TPM3: variants seen among roughly 807,000 people sequenced by gnomAD.
The protein encoded by TPM3 is tropomyosin 3, also known as tropomyosin alpha-3 chain.
A neutral mutation model predicts 43.1 loss-of-function variants in TPM3; 16 were observed. The ratio of observed to expected loss-of-function variants is 0.37; its 90% CI spans 0.25 to 0.56. The LOEUF (loss-of-function observed/expected upper bound fraction) is 0.56, where lower values mean the gene tolerates loss of function less well. TPM3 is among the 20% of genes least tolerant of loss of function. TPM3 has a pLI of 0.77. For missense variants in TPM3, 176 were observed against 337.2 expected (o/e 0.52, Z 3.74); for synonymous variants, 101 against 116.9 (o/e 0.86, Z 0.88).
chr1:154,183,153 C>T (rs1383625539), intron 2 of TPM3: 4 of 1,597,460 alleles, frequency 2.5e-6, no homozygotes, highest in African/African-American at 2.7e-5. Context: ...CGCTCCGGTT[C>T]CTGCCTCCTC....
chr1:154,191,371 C>T lies in TPM3; in HGVS notation c.118-60G>A, dbSNP rs867680279. On this transcript the variant is annotated intron_variant, in intron 1 of 9. Transcript: ENST00000651641. ...ACAAACACAACAATGCAGGGTTGGA[C>T]CCTGGGCTCTTGGAGCCCTGAGTGT... The T allele has an allele frequency of 1.9e-6, 3 of 1,610,230 alleles. No homozygotes were observed. In the Middle Eastern group the frequency reaches 5.0e-4, roughly 267 times the overall value.
chr1:154,170,833 G>T, intron 6 of TPM3, 122 bp from the exon 7 acceptor site: 1 of 759,822 alleles, frequency 1.3e-6, no homozygotes, highest in Admixed American at 1.9e-5. Context: ...TGGTCCAAGA[G>T]TAAGAGCAAG....
rs779084336 is a variant in TPM3 at position 154,165,784 on chromosome 1, C to T, written c.*2153G>A. Among the ~76,000 whole-genome samples, 4 of 140,736 alleles carry T rather than the reference C, an allele frequency of 2.8e-5. No individual in the cohort carries two copies. The highest frequency in any genetic ancestry group is 1.1e-4 in the African/African-American group (4 of 37,000). The allele number at this position is 140,736 out of a possible 152,430, so 92.3% of individuals were successfully genotyped here. ...AGCCTAGGTGACAAGAGTCAAACTCCGTCTCAAAAAAAAAAAAAAAAAGAA... is the reference window on the plus strand; with the variant it reads ...AGCCTAGGTGACAAGAGTCAAACTCTGTCTCAAAAAAAAAAAAAAAAAGAA... On this transcript the variant is annotated 3_prime_UTR_variant, in exon 10 of 10. Transcript: ENST00000651641.
At chr1:154,183,233 A>C (rs1571443205) in intron 2 of TPM3, 1 of 1,542,054 alleles carries the variant, frequency 6.5e-7, no homozygotes, top group Non-Finnish European at 8.7e-7. Flanking sequence ...GAACTCACCA[A>C]CCCGCCCGGA....
At chr1:154,191,830 T>C in intron 1 of TPM3, 72 bp downstream of exon 1, 1 of 1,588,782 alleles carries the variant, frequency 6.3e-7, no homozygotes, top group South Asian at 1.1e-5. Context: ...TCACTGTCTT[T>C]CCCATGAAAA....
chr1:154,169,509 A>T, intron 8 of TPM3, 126 bp from the exon 9 acceptor site: 1 of 907,218 alleles, frequency 1.1e-6, no homozygotes, highest in Non-Finnish European at 1.8e-6. Context: ...CACAGTTAGG[A>T]AAATATCTAC....
At position 154,171,433 on chromosome 1, in the gene TPM3, G is replaced by A. The variant is rs575430300; in HGVS notation, c.622C>T (p.Leu208Phe). Residue 208 changes from leucine to phenylalanine, a missense_variant, in exon 6 of 10, where the codon CTT (leucine) becomes TTT (phenylalanine). Leu to Phe is a conservative substitution (Grantham distance 22, BLOSUM62 0). Transcript: ENST00000651641. ...LKNVTNNLKS[L>F]EAQAEKYSQK... is the part of the protein sequence containing the mutation. ...CCTACCTTCTCCGCCTGAGCCTCAAGAGACTTGAGGTTGTTGGTGACATTC... is the reference window on the plus strand; with the variant it reads ...CCTACCTTCTCCGCCTGAGCCTCAAAAGACTTGAGGTTGTTGGTGACATTC... 1.9e-6 allele frequency: 3 copies of A among 1,614,188 alleles called. No homozygotes were observed. In the Middle Eastern group the frequency reaches 5.0e-4, roughly 266 times the overall value.
At chr1:154,182,228 G>A (rs1663033983) in intron 2 of TPM3, among the ~76,000 whole-genome samples, 1 of 152,182 alleles carries the variant, frequency 6.6e-6, no homozygotes, top group Admixed American at 6.5e-5. Context: ...TGTGGGTAGG[G>A]CCAGGCAAGT....
chr1:154,172,354 A>G (rs770807305), intron 5 of TPM3: 8 of 670,414 alleles, frequency 1.2e-5, no homozygotes, highest in Middle Eastern at 2.4e-4. Flanking sequence ...AGAGCAGTTA[A>G]TATCTACCCT....
intron 2 of TPM3, among the ~76,000 whole-genome samples, chr1:154,177,204 T>C (rs1258808967): frequency 6.6e-6 from 1 of 152,142 alleles, no homozygotes; most frequent in Non-Finnish European, 1.5e-5. Context: ...TTTTTTAAGT[T>C]GGCTACAAGG....
Position 154,191,358 on chromosome 1 carries a change from A to G in TPM3, c.118-47T>C, listed in dbSNP as rs756500994. On this transcript the variant is annotated intron_variant, in intron 1 of 9. Coordinates refer to ENST00000651641, the MANE Select transcript of TPM3 (RefSeq NM_152263.4). ...CACACAAAAACACACAAACACAACA[A>G]TGCAGGGTTGGACCCTGGGCTCTTG... 5 of 1,610,792 alleles carry G rather than the reference A, an allele frequency of 3.1e-6. No individual in the cohort carries two copies. In the East Asian group the frequency reaches 1.1e-4, roughly 36 times the overall value.
At chr1:154,178,158 A>AAAT (rs756686355) in intron 2 of TPM3, 10 of 985,474 alleles carry the variant, frequency 1.0e-5, no homozygotes, top group Non-Finnish European at 1.2e-5. Flanking sequence ...GAAGCTCATG[A>AAAT]AATGTAAGAC....
chr1:154,191,774 G>A, intron 1 of TPM3, 128 bp downstream of exon 1: 1 of 1,586,774 alleles, frequency 6.3e-7, no homozygotes. Flanking sequence ...CCTCCAGTGA[G>A]GCTGGGGAGT....
chr1:154,172,624 G>A, intron 5 of TPM3: 1 of 479,710 alleles, frequency 2.1e-6, no homozygotes, highest in Non-Finnish European at 3.8e-6. Flanking sequence ...GGACCCAGTA[G>A]GATCTTCCAA....
chr1:154,156,834 CTTCTTTCT>C (rs536007456), downstream of TPM3: 1 of 196,566 alleles, frequency 5.1e-6, no homozygotes, highest in Non-Finnish European at 1.1e-5. Flanking sequence ...AAAACACAGT[CTTCTTTCT>C]TTCTTTCTTT....
rs146054478 is a variant in TPM3 at position 154,181,051 on chromosome 1, C to G, written c.244-4803G>C. On this transcript the variant is annotated intron_variant, in intron 2 of 9. Transcript: ENST00000651641. ...ACATGGCCAGTTCCTCTGTCTTCCC[C>G]TTTAAAGCTATCTGGTCTCCAGAAC... Among the ~76,000 whole-genome samples the G allele has an allele frequency of 2.2e-3, 336 of 152,314 alleles. 1 individual carries two copies. The highest frequency in any genetic ancestry group is 7.2e-3 in the African/African-American group (301 of 41,562).
intron 2 of TPM3, chr1:154,183,307 A>G: frequency 2.0e-6 from 3 of 1,485,144 alleles, no homozygotes; most frequent in East Asian, 2.5e-5. Context: ...CACTGGAGGG[A>G]GAGCCGCGGC....
downstream of TPM3, among the ~76,000 whole-genome samples, chr1:154,160,530 C>T (rs1660241634): frequency 6.6e-6 from 1 of 152,146 alleles, no homozygotes; most frequent in African/African-American, 2.4e-5. Flanking sequence ...CAGGGTGAAC[C>T]TTTAACTTGC....
downstream of TPM3, among the ~76,000 whole-genome samples, chr1:154,158,065 C>T (rs1048542430): frequency 1.3e-5 from 2 of 152,168 alleles, no homozygotes; most frequent in African/African-American, 2.4e-5. Context: ...ATAACAATAC[C>T]CTCTTGAAAT....
Sources: allele counts gnomAD v4.1 joint callset (sites outside exome capture counted in the v4.1 genomes callset), GRCh38; gene constraint gnomAD v4.1.1; transcripts MANE v1.5; gene names NCBI Gene and HGNC (gene_info 2026-07-23, HGNC 2026-07-21).